PROZ: variants seen among roughly 807,000 people sequenced by gnomAD.
The protein encoded by PROZ is protein Z, vitamin K dependent plasma glycoprotein.
A neutral mutation model predicts 34.9 loss-of-function variants in PROZ; 46 were observed. That is an observed-to-expected ratio of 1.32 (90% CI 1.04 to 1.69). PROZ has a LOEUF of 1.69. PROZ is among the 40% of genes most tolerant of loss of function. The probability of loss-of-function intolerance (pLI) is 0.00; values close to 1 mark genes in which losing one functional copy is unlikely to be tolerated. For synonymous variants in PROZ, 195 were observed against 208.5 expected, an observed-to-expected ratio of 0.94 and a Z score of 0.56; for missense variants, 530 against 520.4, an observed-to-expected ratio of 1.02 and a Z score of -0.18.
chr13:113,171,781 C>T lies in PROZ; in HGVS notation c.879C>T (p.Ile293=). 1 of 1,612,906 alleles carries T rather than the reference C, an allele frequency of 6.2e-7. No homozygotes were observed. Among genetic ancestry groups the T allele is most frequent in the South Asian group, 1.1e-5 (1 of 91,076 alleles). ...PEKDFAEHLL[I]PRTRGLLSGW... ...AAGACTTCGCTGAGCACCTCCTCAT[C>T]CCACGCACCAGGGGCCTCCTCAGCG... is the stretch of plus-strand genomic sequence containing the variant. Residue 293 remains isoleucine (I), a synonymous_variant, in exon 8 of 8, where the codon ATC becomes ATT. Transcript: ENST00000375547. The surrounding 1 kb of genome is among the most constrained non-coding windows in gnomAD (Gnocchi z 5.1).
At chr13:113,170,384 CTATT>C (rs1450011544) in intron 6 of PROZ, 25 bp from the exon 7 acceptor site, 2 of 1,343,686 alleles carry the variant, frequency 1.5e-6, no homozygotes, top group Admixed American at 1.7e-5. Context: ...TTGTCACCAG[CTATT>C]TATTGTCTGT....
rs1202036044 is a variant in PROZ, at chr13:113,158,951, T to C, written c.70+221T>C. 1.4e-5 allele frequency among the ~76,000 whole-genome samples: 2 copies of C among 140,310 alleles called. No homozygotes were observed. Among genetic ancestry groups the C allele is most frequent in the Non-Finnish European group, 1.5e-5 (1 of 66,110 alleles). The allele number at this position is 140,310 out of a possible 152,430, so 92.0% of individuals were successfully genotyped here. A position where few individuals can be genotyped will look rare whatever the true frequency, so the allele number is the denominator to read the frequency against. On this transcript the variant is annotated intron_variant, in intron 1 of 7. Transcript: ENST00000375547. The surrounding 1 kb of genome is among the most constrained non-coding windows in gnomAD (Gnocchi z 4.3). ...GGGGTCCTCCCAAGAGATGCCCAAA[T>C]GGAAAGAAGCCTGTGTGCAGGGGAT...
rs767299784 is a variant in PROZ at position 113,159,793 on chromosome 13, T to G, written c.71-221T>G. On this transcript the variant is annotated intron_variant, in intron 1 of 7. Transcript: ENST00000375547. The surrounding 1 kb of genome is among the most constrained non-coding windows in gnomAD (Gnocchi z 4.6). ...GTGGCCTCTCTGCAGAACCTTAGTG[T>G]ATCCGCACTGATCCTGGGGCTGATC... Among the ~76,000 whole-genome samples, 12 of 152,306 alleles carry G rather than the reference T, an allele frequency of 7.9e-5. No individual in the cohort carries two copies. The highest frequency in any genetic ancestry group is 1.8e-4 in the Non-Finnish European group (12 of 68,024).
In PROZ at chr13:113,171,798, T is replaced by A; in HGVS notation, c.896T>A (p.Leu299His). Residue 299 changes from leucine (L) to histidine (H), a missense_variant, in exon 8 of 8, where the codon CTC becomes CAC. Transcript: ENST00000375547. The surrounding 1 kb of genome is among the most constrained non-coding windows in gnomAD (Gnocchi z 5.1). ...CTCCTCATCCCACGCACCAGGGGCC[T>A]CCTCAGCGGCTGGGCACGCAATGGC... ...EHLLIPRTRG[L>H]LSGWARNGTD... is the part of the protein sequence containing the mutation. 2 of 1,613,432 alleles carry A rather than the reference T, an allele frequency of 1.2e-6. No individual in the cohort carries two copies. The highest frequency in any genetic ancestry group is 1.7e-6 in the Non-Finnish European group (2 of 1,179,826).
Position 113,162,993 on chromosome 13 carries a change from CAT to C in PROZ, c.260-15_260-14del. ...TTCCTGTCACCACCACCCCAACCCC[CAT>C]CCTCCTCCTGCAGGCGGCTCCCCGT... is the stretch of plus-strand genomic sequence containing the variant. On this transcript the variant is annotated splice_polypyrimidine_tract_variant and intron_variant, in intron 3 of 7. Coordinates refer to ENST00000375547, the MANE Select transcript of PROZ (RefSeq NM_003891.3). The C allele has an allele frequency of 6.5e-7, 1 of 1,534,826 alleles. No homozygotes were observed. Among genetic ancestry groups the C allele is most frequent in the Non-Finnish European group, 8.8e-7 (1 of 1,131,818 alleles).
In PROZ at chr13:113,167,166, G is replaced by A. The variant is rs1032769705; in HGVS notation, c.573+2046G>A. On this transcript the variant is annotated intron_variant, in intron 6 of 7. Transcript: ENST00000375547. ...ACTTCCTTGTTTCTTACATCCTAGG[G>A]AAGAAGTATCACTAAAAGTCTGGCA... 2.0e-5 allele frequency among the ~76,000 whole-genome samples: 3 copies of A among 152,180 alleles called. No homozygotes were observed. The East Asian group carries it at 5.8e-4, about 29-fold the overall frequency.
At chr13:113,163,966 C>T (rs200589774) in intron 4 of PROZ, among the ~76,000 whole-genome samples, 2 of 145,494 alleles carry the variant, frequency 1.4e-5, no homozygotes, top group South Asian at 2.2e-4. Flanking sequence ...CTCATGGAGT[C>T]TTTTTTTTTT....
Position 113,160,112 on chromosome 13 carries a change from G to C in PROZ, c.169G>C (p.Glu57Gln). The change falls in exon 2 of 8, where the codon GAA becomes CAA. Residue 57 changes from glutamate (E) to glutamine (Q), a missense_variant. By Grantham distance (29) the Glu-to-Gln change is conservative. Transcript: ENST00000375547. The stretch of plus-strand genomic sequence containing the variant: ...ACTCTTCGAGGGAAACTTGGAAAAA[G>C]AATGTTATGAAGAAATCTGTGTCTA... The part of the protein sequence containing the change: ...EELFEGNLEK[E>Q]CYEEICVYEE... 1.2e-6 allele frequency: 2 copies of C among 1,614,182 alleles called. No individual in the cohort carries two copies. The highest frequency in any genetic ancestry group is 1.7e-6 in the Non-Finnish European group (2 of 1,180,038).
Position 113,159,972 on chromosome 13 carries a change from C to T in PROZ, c.71-42C>T. The stretch of plus-strand genomic sequence containing the variant: ...GCCAGGCAGCTCTGGAAAGCAGGGC[C>T]CTCGGTGCTCCCAGTCACCTGCCTT... On this transcript the variant is annotated intron_variant, in intron 1 of 7. Coordinates refer to ENST00000375547, the MANE Select transcript of PROZ (RefSeq NM_003891.3). The surrounding 1 kb of genome is among the most constrained non-coding windows in gnomAD (Gnocchi z 4.6). 1 of 1,610,736 alleles carries T rather than the reference C, an allele frequency of 6.2e-7. No homozygotes were observed. The highest frequency in any genetic ancestry group is 8.5e-7 in the Non-Finnish European group (1 of 1,178,024).
intron 3 of PROZ, 70 bp from the exon 4 acceptor site, chr13:113,162,939 C>CCA (rs1566927494): frequency 1.1e-6 from 1 of 893,398 alleles, no homozygotes; most frequent in Non-Finnish European, 1.7e-6. Flanking sequence ...CCTGTCACCA[C>CCA]CCCCACCCTC....
At position 113,160,114 on chromosome 13, in the gene PROZ, A is replaced by G; in HGVS notation, c.171A>G (p.Glu57=). The G allele has an allele frequency of 6.2e-7, 1 of 1,614,172 alleles. No individual in the cohort carries two copies. The highest frequency in any genetic ancestry group is 8.5e-7 in the Non-Finnish European group (1 of 1,180,034). The part of the protein sequence containing the change: ...EELFEGNLEK[E]CYEEICVYEE... ...TCTTCGAGGGAAACTTGGAAAAAGA[A>G]TGTTATGAAGAAATCTGTGTCTATG... is the stretch of plus-strand genomic sequence containing the variant. The change falls in exon 2 of 8, where the codon GAA becomes GAG. Residue 57 remains glutamate, a synonymous_variant. Transcript: ENST00000375547.
chr13:113,172,264 T>C lies in PROZ; in HGVS notation c.*159T>C, dbSNP rs2037131033. On this transcript the variant is annotated 3_prime_UTR_variant, in exon 8 of 8. Coordinates refer to ENST00000375547, the MANE Select transcript of PROZ (RefSeq NM_003891.3). ...ACGCAGCAGCAGAGCCGCCGTTTGC[T>C]GGGTTGTTTACCGAGCACTGTGACC... 7 of 1,009,806 alleles carry C rather than the reference T, an allele frequency of 6.9e-6. No homozygotes were observed. The highest frequency in any genetic ancestry group is 1.0e-5 in the Non-Finnish European group (7 of 675,774). The allele number at this position is 1,009,806 out of a possible 1,614,324, so 62.6% of individuals were successfully genotyped here.
rs754176696 is a variant in PROZ, at chr13:113,171,721, C to T, written c.819C>T (p.Cys273=). The T allele has an allele frequency of 6.2e-7, 1 of 1,612,778 alleles. No individual in the cohort carries two copies. Among genetic ancestry groups the T allele is most frequent in the East Asian group, 2.2e-5 (1 of 44,862 alleles). The change falls in exon 8 of 8, where the codon TGC becomes TGT. Residue 273 remains cysteine, a synonymous_variant. Transcript: ENST00000375547. The surrounding 1 kb of genome is among the most constrained non-coding windows in gnomAD (Gnocchi z 5.1). ...TGGAGCTGGAGTGGCCCATCCAGTG[C>T]CCAGGTGCGGGGCTCCCCGTGTGCA... is the stretch of plus-strand genomic sequence containing the variant. ...SLLELEWPIQ[C]PGAGLPVCTP...
chr13:113,167,787 G>T (rs2036984034), intron 6 of PROZ, among the ~76,000 whole-genome samples: 1 of 151,800 alleles, frequency 6.6e-6, no homozygotes, highest in African/African-American at 2.4e-5. Flanking sequence ...TACATTTATT[G>T]TAATTGTCGA....
chr13:113,161,855 T>C (rs1290775157), intron 3 of PROZ, among the ~76,000 whole-genome samples: 1 of 102,962 alleles, frequency 9.7e-6, no homozygotes, highest in Non-Finnish European at 2.0e-5. Flanking sequence ...CCCATCCTCC[T>C]CCTGCTCAGG....
intron 6 of PROZ, among the ~76,000 whole-genome samples, chr13:113,167,313 A>G (rs2036967407): frequency 2.0e-5 from 3 of 152,228 alleles, no homozygotes; most frequent in African/African-American, 7.2e-5. Flanking sequence ...GTAGGTATTC[A>G]ACAAGTGGCA....
At position 113,159,285 on chromosome 13, in the gene PROZ, TC is replaced by T. The variant is rs2036719536; in HGVS notation, c.70+559del. 4 of 1,532,164 alleles carry T rather than the reference TC, an allele frequency of 2.6e-6. No individual in the cohort carries two copies. In the East Asian group the frequency reaches 9.8e-5, roughly 38 times the overall value. 94.9% of individuals were successfully genotyped at this position (1,532,164 alleles called of 1,614,324 possible). A position where few individuals can be genotyped will look rare whatever the true frequency, so the allele number is the denominator to read the frequency against. On this transcript the variant is annotated intron_variant, in intron 1 of 7. Coordinates refer to ENST00000375547, the MANE Select transcript of PROZ (RefSeq NM_003891.3). This position sits in a 1 kb window ranked among gnomAD's most constrained non-coding sequence, Gnocchi z 4.6. ...AAGCTGCAAGTCAAAACACCCAGCATCCCCGCTGGCCCCATGGTCTCCCGCT... is the reference window on the plus strand; with the variant it reads ...AAGCTGCAAGTCAAAACACCCAGCATCCCGCTGGCCCCATGGTCTCCCGCT...
chr13:113,167,971 T>C (rs898834663), intron 6 of PROZ, among the ~76,000 whole-genome samples: 11 of 152,186 alleles, frequency 7.2e-5, no homozygotes, highest in African/African-American at 2.7e-4. Context: ...GTTTGGAGAA[T>C]GCATCTTTAC....
intron 6 of PROZ, among the ~76,000 whole-genome samples, chr13:113,165,820 C>T (rs1359816209): frequency 6.6e-6 from 1 of 152,238 alleles, no homozygotes; most frequent in Non-Finnish European, 1.5e-5. Context: ...CGTGAGCCAC[C>T]ACGCCTGGCC....
Sources: gnomAD v4.1 joint callset for allele counts (sites outside exome capture counted in the v4.1 genomes callset) on GRCh38, gnomAD v4.1.1 for gene constraint, Gnocchi (gnomAD v3.1) non-coding constraint, MANE v1.5 for transcripts, NCBI Gene and HGNC (gene_info 2026-07-23, HGNC 2026-07-21) for gene names.